Variants in GRIA4 observed in about 807,000 individuals in gnomAD.
GRIA4 encodes the protein glutamate ionotropic receptor AMPA type subunit 4.
In GRIA4, 34 loss-of-function variants were observed where a neutral mutation model predicts 104.0. The ratio of observed to expected loss-of-function variants is 0.33; its 90% confidence interval spans 0.25 to 0.44. The LOEUF (loss-of-function observed/expected upper bound fraction) is 0.44, where lower values mean the gene tolerates loss of function less well. Among genes scored for constraint, GRIA4 ranks in the 20% least tolerant of loss-of-function variants. The probability of loss-of-function intolerance (pLI) is 1.00; values close to 1 mark genes in which losing one functional copy is unlikely to be tolerated. For missense variants in GRIA4, 750 were observed against 1,096.5 expected (o/e 0.68, Z 4.46); for synonymous variants, 386 against 381.9 (o/e 1.01, Z -0.13).
intron 14 of GRIA4, among the ~76,000 whole-genome samples, chr11:105,948,589 C>CTTTTTTTTTTTTTTTTTTTTTTTT (rs1383366276): frequency 9.0e-6 from 1 of 111,214 alleles, no homozygotes; most frequent in African/African-American, 3.4e-5. Context: ...CTTTTCTTTT[C>CTTTTTTTTTTTTTTTTTTTTTTTT]TTTTTGTTTT....
intron 3 of GRIA4, among the ~76,000 whole-genome samples, chr11:105,746,649 C>T (rs1173798760): frequency 3.9e-5 from 6 of 151,994 alleles, no homozygotes; most frequent in Non-Finnish European, 7.4e-5. Flanking sequence ...CCTCCAGTTC[C>T]ATAGATTATG....
chr11:105,882,037 T>A (rs1315435563), intron 5 of GRIA4, among the ~76,000 whole-genome samples: 1 of 152,194 alleles, frequency 6.6e-6, no homozygotes, highest in East Asian at 1.9e-4. Flanking sequence ...TGTTTTTATC[T>A]GCAGTAAAAT....
intron 4 of GRIA4, among the ~76,000 whole-genome samples, chr11:105,797,281 G>A (rs112701716): frequency 6.6e-6 from 1 of 152,052 alleles, no homozygotes; most frequent in Non-Finnish European, 1.5e-5. Flanking sequence ...GTGTTTAGGT[G>A]AAAAACAAGG....
At position 105,610,884 on chromosome 11, in the gene GRIA4, TTTTTTG is replaced by T; in HGVS notation, c.-90-23_-90-18del. On this transcript the variant is annotated intron_variant, in intron 1 of 16. Coordinates refer to ENST00000282499, the MANE Select transcript of GRIA4 (RefSeq NM_000829.4). ...TTCTTTCTTTTCTTTTTTTTTTTTT[TTTTTTG>T]GTTGATTTTAATTTTAGCGCCATCG... is the stretch of plus-strand genomic sequence containing the variant. 14 of 474,774 alleles carry T rather than the reference TTTTTTG, an allele frequency of 2.9e-5. No individual in the cohort carries two copies. Among genetic ancestry groups the T allele is most frequent in the South Asian group, 1.8e-4 (4 of 22,220 alleles). The allele number at this position is 474,774 out of a possible 1,614,324, so 29.4% of individuals were successfully genotyped here.
chr11:105,809,248 C>T (rs1261325165), intron 4 of GRIA4, among the ~76,000 whole-genome samples: 1 of 152,010 alleles, frequency 6.6e-6, no homozygotes, highest in East Asian at 1.9e-4. Flanking sequence ...AATAGTTTTA[C>T]ATATTTATGG....
At chr11:105,652,737 A>G (rs941160556) in intron 3 of GRIA4, among the ~76,000 whole-genome samples, 4 of 151,862 alleles carry the variant, frequency 2.6e-5, no homozygotes, top group African/African-American at 9.7e-5. Context: ...GTATCCCCTT[A>G]TCTATAGGGA....
At chr11:105,855,095 C>T (rs1180099950) in intron 4 of GRIA4, among the ~76,000 whole-genome samples, 1 of 152,130 alleles carries the variant, frequency 6.6e-6, no homozygotes, top group African/African-American at 2.4e-5. Flanking sequence ...CAAGCTCCTG[C>T]CTCTGTGCCT....
At chr11:105,706,043 T>A (rs1953686598) in intron 3 of GRIA4, among the ~76,000 whole-genome samples, 1 of 152,174 alleles carries the variant, frequency 6.6e-6, no homozygotes. Context: ...ATCCACACAG[T>A]GCAGTACTAA....
intron 4 of GRIA4, among the ~76,000 whole-genome samples, chr11:105,853,883 C>T (rs985467484): frequency 6.6e-6 from 1 of 152,102 alleles, no homozygotes; most frequent in East Asian, 1.9e-4. Context: ...CTTCTCTTTC[C>T]ACTCTTCGGA....
intron 3 of GRIA4, among the ~76,000 whole-genome samples, chr11:105,657,027 T>C (rs1951864783): frequency 7.6e-6 from 1 of 130,738 alleles, no homozygotes; most frequent in Non-Finnish European, 1.7e-5. Context: ...TAAAGATGGG[T>C]TTATTGCTCC....
At chr11:105,917,008 T>C (rs982783492) in intron 10 of GRIA4, among the ~76,000 whole-genome samples, 3 of 152,218 alleles carry the variant, frequency 2.0e-5, no homozygotes, top group African/African-American at 7.2e-5. Context: ...TAATATTTTA[T>C]AGCATATTTT....
intron 3 of GRIA4, among the ~76,000 whole-genome samples, chr11:105,744,595 GA>G (rs1939529366): frequency 6.6e-6 from 1 of 152,036 alleles, no homozygotes; most frequent in Non-Finnish European, 1.5e-5. Context: ...TTCAATTGGG[GA>G]AAAAATGTAG....
intron 4 of GRIA4, among the ~76,000 whole-genome samples, chr11:105,785,057 T>C (rs1007527033): frequency 2.0e-5 from 3 of 152,130 alleles, no homozygotes; most frequent in Admixed American, 6.6e-5. Context: ...ATATGCTATA[T>C]ATAAATTAAC....
intron 6 of GRIA4, among the ~76,000 whole-genome samples, chr11:105,892,945 A>C (rs1343066173): frequency 2.0e-5 from 3 of 152,216 alleles, no homozygotes; most frequent in African/African-American, 4.8e-5. Flanking sequence ...CTTAAAGAAT[A>C]AGCATTTATT....
intron 3 of GRIA4, among the ~76,000 whole-genome samples, chr11:105,719,174 C>T (rs899035741): frequency 1.4e-4 from 21 of 152,172 alleles, no homozygotes; most frequent in African/African-American, 3.9e-4. Context: ...ATTGAGAGTT[C>T]GGTAAGTGCT....
intron 14 of GRIA4, among the ~76,000 whole-genome samples, chr11:105,956,361 T>C (rs980579002): frequency 6.6e-6 from 1 of 152,166 alleles, no homozygotes; most frequent in Admixed American, 6.5e-5. Flanking sequence ...ATGTGGTGTT[T>C]GGTTTTCTGT....
intron 3 of GRIA4, among the ~76,000 whole-genome samples, chr11:105,703,949 C>T (rs1487072804): frequency 6.6e-6 from 1 of 152,114 alleles, no homozygotes; most frequent in Non-Finnish European, 1.5e-5. Context: ...CAAAAATGTA[C>T]ATACAAGCAA....
At chr11:105,768,249 A>C (rs564171958) in intron 4 of GRIA4, among the ~76,000 whole-genome samples, 2 of 152,234 alleles carry the variant, frequency 1.3e-5, no homozygotes, top group Admixed American at 6.5e-5. Context: ...AAACATATGC[A>C]TGTGCCAGTT....
intron 3 of GRIA4, among the ~76,000 whole-genome samples, chr11:105,663,020 A>G (rs1952059338): frequency 6.6e-6 from 1 of 151,988 alleles, no homozygotes; most frequent in African/African-American, 2.4e-5. Context: ...CCAAAAAATA[A>G]TCACGACAGA....
Sources: gnomAD v4.1 joint callset for allele counts (sites outside exome capture counted in the v4.1 genomes callset) on GRCh38, gnomAD v4.1.1 for gene constraint, MANE v1.5 for transcripts, NCBI Gene and HGNC (gene_info 2026-07-23, HGNC 2026-07-21) for gene names.